The following RIMS1 variants were observed in gnomAD, a reference collection of about 807,000 sequenced individuals.
RIMS1 encodes the protein regulating synaptic membrane exocytosis 1.
In RIMS1, 83 loss-of-function variants were observed where a neutral mutation model predicts 214.1. That is an observed-to-expected ratio of 0.39 (90% confidence interval 0.32 to 0.47). The LOEUF (loss-of-function observed/expected upper bound fraction) is 0.47, where lower values mean the gene tolerates loss of function less well. RIMS1 is among the 20% of genes least tolerant of loss of function. RIMS1 has a pLI of 0.99. For synonymous variants in RIMS1, 793 were observed against 786.8 expected, an observed-to-expected ratio of 1.01 and a Z score of -0.13; for missense variants, 2,050 against 2,161.8, an observed-to-expected ratio of 0.95 and a Z score of 1.03.
Position 72,110,228 on chromosome 6 carries a change from A to G in RIMS1, c.471+10242A>G, listed in dbSNP as rs561109627. On this transcript the variant is annotated intron_variant, in intron 4 of 33. Coordinates refer to ENST00000521978, the MANE Select transcript of RIMS1 (RefSeq NM_014989.7). ...ATGAACTTTAAAGTAGTTTTTTCCA[A>G]TTCTGTGAAGAAAGTCATTGGTAGC... Among the ~76,000 whole-genome samples the G allele has an allele frequency of 5.9e-5, 9 of 152,266 alleles. No individual in the cohort carries two copies. In the South Asian group the frequency reaches 1.9e-3, roughly 32 times the overall value.
At chr6:72,377,659 A>G (rs1025172700) in intron 29 of RIMS1, among the ~76,000 whole-genome samples, 19 of 152,298 alleles carry the variant, frequency 1.2e-4, no homozygotes, top group African/African-American at 4.6e-4. Flanking sequence ...AACTGCCTGT[A>G]TTGATTAACT....
chr6:71,950,500 G>C (rs1482064935), intron 1 of RIMS1, among the ~76,000 whole-genome samples: 1 of 152,136 alleles, frequency 6.6e-6, no homozygotes, highest in East Asian at 1.9e-4. Flanking sequence ...TGAGTGTTTA[G>C]CCTCCCTGTT....
intron 2 of RIMS1, among the ~76,000 whole-genome samples, chr6:72,061,134 T>C (rs1161530257): frequency 1.3e-5 from 2 of 152,180 alleles, no homozygotes; most frequent in Non-Finnish European, 2.9e-5. Flanking sequence ...ATTTAATCTT[T>C]TTTTTCCATA....
At chr6:72,208,969 C>T (rs1374933236) in intron 6 of RIMS1, among the ~76,000 whole-genome samples, 1 of 151,554 alleles carries the variant, frequency 6.6e-6, no homozygotes, top group Non-Finnish European at 1.5e-5. Context: ...CTTTAGGGCT[C>T]TGTAGCTTAG....
intron 29 of RIMS1, 78 bp downstream of exon 29, chr6:72,333,913 G>A: frequency 9.8e-7 from 1 of 1,019,330 alleles, no homozygotes; most frequent in Non-Finnish European, 1.5e-6. Flanking sequence ...TATGGCTTGT[G>A]ATGGAATTGT....
intron 16 of RIMS1, among the ~76,000 whole-genome samples, chr6:72,256,403 T>C (rs2075896050): frequency 6.6e-6 from 1 of 152,122 alleles, no homozygotes; most frequent in Non-Finnish European, 1.5e-5. Context: ...TTAAAGTCCC[T>C]TCTTAAAAGG....
chr6:72,164,313 G>A (rs1332997958), intron 4 of RIMS1, among the ~76,000 whole-genome samples: 1 of 152,120 alleles, frequency 6.6e-6, no homozygotes, highest in Admixed American at 6.5e-5. Flanking sequence ...ACTAGGAAAG[G>A]GAATTCCCTG....
intron 3 of RIMS1, 128 bp from the exon 4 acceptor site, chr6:72,099,847 G>C (rs1229281967): frequency 1.4e-6 from 1 of 693,252 alleles, no homozygotes. Flanking sequence ...CAAAATAGTT[G>C]TGCTTTAATA....
At chr6:72,252,928 T>A (rs2074115300) in intron 16 of RIMS1, 96 bp downstream of exon 16, 1 of 839,776 alleles carries the variant, frequency 1.2e-6, no homozygotes, top group African/African-American at 1.7e-5. Flanking sequence ...AACTGAAGAT[T>A]TATAGCACAG....
intron 1 of RIMS1, among the ~76,000 whole-genome samples, chr6:71,966,681 C>T (rs996941330): frequency 2.6e-5 from 4 of 152,118 alleles, no homozygotes; most frequent in Admixed American, 2.0e-4. Context: ...CCCACACACC[C>T]GGCTAAATTT....
intron 6 of RIMS1, among the ~76,000 whole-genome samples, chr6:72,195,854 C>T (rs1261130718): frequency 1.3e-5 from 2 of 152,032 alleles, no homozygotes; most frequent in Admixed American, 6.6e-5. Context: ...CCTCAAGAAA[C>T]TTAGAATCAT....
chr6:72,003,600 A>T (rs1426822723), intron 2 of RIMS1, among the ~76,000 whole-genome samples: 1 of 151,742 alleles, frequency 6.6e-6, no homozygotes, highest in African/African-American at 2.4e-5. Flanking sequence ...TTTTGCTTGC[A>T]GGTGTGTGTC....
intron 2 of RIMS1, among the ~76,000 whole-genome samples, chr6:71,984,783 AT>A (rs1799447636): frequency 1.1e-5 from 1 of 88,664 alleles, no homozygotes; most frequent in African/African-American, 3.9e-5. Flanking sequence ...ATATCTATCT[AT>A]CTATCTATCT....
chr6:72,247,121 G>A (rs746367289), intron 11 of RIMS1, among the ~76,000 whole-genome samples: 6 of 152,226 alleles, frequency 3.9e-5, no homozygotes, highest in Non-Finnish European at 5.9e-5. Context: ...TAAACACTCT[G>A]TATTGCTCTC....
chr6:72,090,853 C>A (rs1836024273), intron 2 of RIMS1, among the ~76,000 whole-genome samples: 1 of 152,178 alleles, frequency 6.6e-6, no homozygotes. Context: ...GAATTTCAGT[C>A]ATTATTAGGG....
chr6:71,992,385 C>CT (rs1392496979), intron 2 of RIMS1, among the ~76,000 whole-genome samples: 2 of 117,482 alleles, frequency 1.7e-5, no homozygotes, highest in Non-Finnish European at 3.5e-5. Context: ...TCTTTGCTTG[C>CT]TTCTTTCTTT....
intron 30 of RIMS1, among the ~76,000 whole-genome samples, chr6:72,391,190 G>T (rs953779666): frequency 5.3e-5 from 8 of 151,970 alleles, no homozygotes; most frequent in Non-Finnish European, 1.0e-4. Flanking sequence ...TGTCATATAT[G>T]TAAGTTACAT....
chr6:72,169,429 A>G (rs1392092022), intron 4 of RIMS1, among the ~76,000 whole-genome samples: 1 of 152,222 alleles, frequency 6.6e-6, no homozygotes. Flanking sequence ...CCTGTGTAAC[A>G]TCAACATTTA....
chr6:72,271,137 G>A (rs1328294329), intron 22 of RIMS1, among the ~76,000 whole-genome samples: 2 of 151,422 alleles, frequency 1.3e-5, no homozygotes, highest in Non-Finnish European at 3.0e-5. Flanking sequence ...GTGGCGGTGT[G>A]CACCTGTGGT....
Sources: gnomAD v4.1 joint callset for allele counts (sites outside exome capture counted in the v4.1 genomes callset) on GRCh38, gnomAD v4.1.1 for gene constraint, MANE v1.5 for transcripts, NCBI Gene and HGNC (gene_info 2026-07-23, HGNC 2026-07-21) for gene names.